Variants in SYT6 observed in about 807,000 individuals in gnomAD.
The protein encoded by SYT6 is synaptotagmin-6.
SYT6 carries 24 observed loss-of-function variants against 38.4 expected under a neutral mutation model. That is an observed-to-expected ratio of 0.62 (90% CI 0.45 to 0.88). SYT6 has a LOEUF of 0.88. Ranked by LOEUF, SYT6 falls within the 40% of genes least tolerant of loss-of-function variation. The pLI is 0.00. For synonymous variants in SYT6, 265 were observed against 241.9 expected, an observed-to-expected ratio of 1.10 and a Z score of -0.89; for missense variants, 611 against 621.0, an observed-to-expected ratio of 0.98 and a Z score of 0.17.
chr1:114,123,859 C>A (rs1010742852), intron 3 of SYT6, among the ~76,000 whole-genome samples: 3 of 152,244 alleles, frequency 2.0e-5, no homozygotes, highest in South Asian at 2.1e-4. Context: ...CTTGCACAGG[C>A]CCCTCCCCGG....
At chr1:114,149,137 A>G (rs1271614355) in intron 1 of SYT6, among the ~76,000 whole-genome samples, 1 of 147,196 alleles carries the variant, frequency 6.8e-6, no homozygotes, top group South Asian at 2.2e-4. Context: ...CAGGTTGCCC[A>G]CCAGCCACCA....
intron 3 of SYT6, among the ~76,000 whole-genome samples, chr1:114,120,826 A>T (rs1389541738): frequency 6.6e-6 from 1 of 152,212 alleles, no homozygotes; most frequent in African/African-American, 2.4e-5. Context: ...GGGCACCTGC[A>T]CTCAGGGATT....
intron 3 of SYT6, among the ~76,000 whole-genome samples, chr1:114,123,341 ACAGAGAT>A (rs1263296860): frequency 1.3e-5 from 2 of 152,148 alleles, no homozygotes; most frequent in African/African-American, 2.4e-5. Context: ...ATGTGTCACT[ACAGAGAT>A]GTGAGTCAAC....
intron 3 of SYT6, among the ~76,000 whole-genome samples, chr1:114,136,013 G>A (rs561727303): frequency 6.9e-4 from 105 of 152,236 alleles, no homozygotes; most frequent in African/African-American, 2.4e-3. Context: ...TGCTCGCCCC[G>A]TCTGCCTGCT....
rs1195876576 is a variant in SYT6, at chr1:114,089,761, C to G, written c.*2373G>C. 3 of 152,414 alleles carry G rather than the reference C, an allele frequency of 2.0e-5. No homozygotes were observed. The highest frequency in any genetic ancestry group is 4.4e-5 in the Non-Finnish European group (3 of 68,128). The allele number at this position is 152,414 out of a possible 1,614,324, so 9.4% of individuals were successfully genotyped here. A position where few individuals can be genotyped will look rare whatever the true frequency, so the allele number is the denominator to read the frequency against. On this transcript the variant is annotated 3_prime_UTR_variant, in exon 8 of 8. Coordinates refer to ENST00000610222, the MANE Select transcript of SYT6 (RefSeq NM_001253772.2). ...GAGATAAAAGCCTCCCTGGGGTGGG[C>G]TCCCAAGCCTGTAGGAATTGACCCA...
intron 3 of SYT6, among the ~76,000 whole-genome samples, chr1:114,110,646 G>C (rs1000329555): frequency 1.3e-5 from 2 of 152,216 alleles, no homozygotes; most frequent in Non-Finnish European, 2.9e-5. Context: ...GACTTCAGCA[G>C]CTTGTAAAGA....
intron 4 of SYT6, among the ~76,000 whole-genome samples, chr1:114,101,959 G>T (rs776838823): frequency 6.6e-5 from 10 of 152,152 alleles, no homozygotes; most frequent in Non-Finnish European, 1.3e-4. Context: ...TTAATAACAG[G>T]TTCCAAACCC....
At chr1:114,153,544 G>T in intron 1 of SYT6, 66 bp downstream of exon 1, 1 of 567,776 alleles carries the variant, frequency 1.8e-6, no homozygotes, top group Non-Finnish European at 3.2e-6. Flanking sequence ...TGGGACCGGG[G>T]CTTTGGGGAA....
At chr1:114,107,637 T>A (rs11102732) in intron 3 of SYT6, among the ~76,000 whole-genome samples, 40,971 of 152,064 alleles carry the variant, frequency 0.27, 6,112 homozygotes, top group East Asian at 0.4. Context: ...ATAAAGGAAA[T>A]TAAACAGGTT....
At chr1:114,136,633 T>C (rs1678499095) in intron 3 of SYT6, among the ~76,000 whole-genome samples, 1 of 152,198 alleles carries the variant, frequency 6.6e-6, no homozygotes, top group African/African-American at 2.4e-5. Flanking sequence ...CCCAGCTCCT[T>C]GAAACCTTCC....
In SYT6 at chr1:114,139,959, G is replaced by A. The variant is rs1678763803; in HGVS notation, c.168C>T (p.Thr56=). 3 of 1,497,184 alleles carry A rather than the reference G, an allele frequency of 2.0e-6. No homozygotes were observed. The highest frequency in any genetic ancestry group is 2.8e-5 in the African/African-American group (2 of 71,306). 92.7% of individuals were successfully genotyped at this position (1,497,184 alleles called of 1,614,324 possible). A position where few individuals can be genotyped will look rare whatever the true frequency, so the allele number is the denominator to read the frequency against. Residue 56 remains threonine, a synonymous_variant, in exon 2 of 8, where the codon ACC becomes ACT. Transcript: ENST00000610222. ...ERSPSAAGAG[T]SVSLLAVVVI... ...CTACAACTGCGAGGAGGCTGACAGA[G>A]GTGCCTGCCCTCGGCATGAGCCAGG...
intron 1 of SYT6, among the ~76,000 whole-genome samples, chr1:114,147,404 T>C (rs557711496): frequency 6.6e-6 from 1 of 152,374 alleles, no homozygotes; most frequent in East Asian, 1.9e-4. Context: ...TTGCTCAATA[T>C]TCATTGTAAA....
At chr1:114,101,860 T>C (rs1368642291) in intron 4 of SYT6, among the ~76,000 whole-genome samples, 1 of 152,206 alleles carries the variant, frequency 6.6e-6, no homozygotes, top group Non-Finnish European at 1.5e-5. Flanking sequence ...TTATCCACTG[T>C]TCCAGATACT....
intron 3 of SYT6, among the ~76,000 whole-genome samples, chr1:114,126,666 G>A (rs1677765573): frequency 6.6e-6 from 1 of 152,252 alleles, no homozygotes; most frequent in Non-Finnish European, 1.5e-5. Flanking sequence ...GCATGAGCTT[G>A]TTGCCTAATG....
intron 1 of SYT6, among the ~76,000 whole-genome samples, chr1:114,140,435 G>A (rs1678801000): frequency 6.6e-6 from 1 of 152,150 alleles, no homozygotes; most frequent in Admixed American, 6.5e-5. Context: ...CCTTAACAGG[G>A]TGTGATACCT....
At chr1:114,116,666 C>T (rs1677016781) in intron 3 of SYT6, among the ~76,000 whole-genome samples, 1 of 152,152 alleles carries the variant, frequency 6.6e-6, no homozygotes, top group Admixed American at 6.5e-5. Flanking sequence ...CATCACATGC[C>T]ACTAGGAAGC....
At chr1:114,117,570 G>A (rs1486692558) in intron 3 of SYT6, among the ~76,000 whole-genome samples, 1 of 152,168 alleles carries the variant, frequency 6.6e-6, no homozygotes, top group Non-Finnish European at 1.5e-5. Context: ...CTGCCTGCAG[G>A]GCCCCATGGA....
chr1:114,129,991 C>T (rs1290092207), intron 3 of SYT6, among the ~76,000 whole-genome samples: 3 of 152,072 alleles, frequency 2.0e-5, no homozygotes, highest in Non-Finnish European at 2.9e-5. Flanking sequence ...GGCCTCTTTC[C>T]TGTTCTTTGA....
chr1:114,123,293 T>C (rs914651765), intron 3 of SYT6, among the ~76,000 whole-genome samples: 7 of 152,206 alleles, frequency 4.6e-5, no homozygotes, highest in African/African-American at 7.2e-5. Context: ...GCTGTTTTTT[T>C]CTCTCTGGAA....
Sources: allele counts gnomAD v4.1 joint callset (sites outside exome capture counted in the v4.1 genomes callset), GRCh38; gene constraint gnomAD v4.1.1; transcripts MANE v1.5; gene names NCBI Gene and HGNC (gene_info 2026-07-23, HGNC 2026-07-21).